Variants in CCDC171 observed in about 807,000 individuals in gnomAD.
CCDC171 encodes the protein coiled-coil domain containing 171.
CCDC171 carries 177 observed loss-of-function variants against 168.2 expected under a neutral mutation model. That is an observed-to-expected ratio of 1.05 (90% confidence interval 0.93 to 1.19). CCDC171 has a LOEUF of 1.19. Ranked by LOEUF, CCDC171 falls within the 50% of genes most tolerant of loss-of-function variation. The pLI is 0.00. For missense variants in CCDC171, 1,991 were observed against 1,539.0 expected (o/e 1.29, Z -4.91); for synonymous variants, 687 against 540.8 (o/e 1.27, Z -3.75).
At chr9:16,027,894 T>C (rs111984063) in intron 6 of CCDC171, among the ~76,000 whole-genome samples, 4 of 152,314 alleles carry the variant, frequency 2.6e-5, no homozygotes, top group African/African-American at 9.6e-5. Context: ...CATGTCTGTA[T>C]GGAAAGCTCC....
intron 16 of CCDC171, among the ~76,000 whole-genome samples, chr9:15,732,757 A>G (rs2054232215): frequency 6.6e-6 from 1 of 152,162 alleles, no homozygotes. Flanking sequence ...ACATCCATGG[A>G]AAGGTTTTTG....
chr9:15,721,413 T>C (rs962287796), intron 11 of CCDC171, among the ~76,000 whole-genome samples: 1 of 151,704 alleles, frequency 6.6e-6, no homozygotes, highest in African/African-American at 2.4e-5. Flanking sequence ...AAAAGGTATG[T>C]ACAAACACTG....
chr9:15,986,343 G>A (rs1831986136), intron 3 of CCDC171, among the ~76,000 whole-genome samples: 1 of 152,202 alleles, frequency 6.6e-6, no homozygotes, highest in Non-Finnish European at 1.5e-5. Flanking sequence ...ATACTTCAAA[G>A]ATGCAGGACC....
At position 15,777,788 on chromosome 9, in the gene CCDC171, G is replaced by A; in HGVS notation, c.2860G>A (p.Ala954Thr). 1 of 1,612,462 alleles carries A rather than the reference G, an allele frequency of 6.2e-7. No homozygotes were observed. The highest frequency in any genetic ancestry group is 8.5e-7 in the Non-Finnish European group (1 of 1,179,636). The change falls in exon 19 of 26, where the codon GCC becomes ACC. Residue 954 changes from alanine to threonine, a missense_variant. Physicochemically the swap from Ala to Thr is moderately conservative, Grantham distance 58 (BLOSUM62 0). Coordinates refer to ENST00000380701, the MANE Select transcript of CCDC171 (RefSeq NM_173550.4). ...AHGLHKVNTL[A>T]LKYGLRGHVP... ...TGGACTTCATAAAGTAAACACACTG[G>A]CCCTGAAATATGGTTTGCGTGGCCA... is the stretch of plus-strand genomic sequence containing the variant.
chr9:15,806,368 G>A (rs1042783368), intron 21 of CCDC171, among the ~76,000 whole-genome samples: 6 of 152,128 alleles, frequency 3.9e-5, no homozygotes, highest in Non-Finnish European at 7.4e-5. Flanking sequence ...GTAGTTGCTG[G>A]TAATGGTTTT....
At chr9:15,770,023 C>A (rs1204086906) in intron 18 of CCDC171, among the ~76,000 whole-genome samples, 1 of 152,132 alleles carries the variant, frequency 6.6e-6, no homozygotes, top group Admixed American at 6.5e-5. Flanking sequence ...GACAAAAAAA[C>A]TTACCACACT....
chr9:15,800,961 A>T (rs2058793739), intron 21 of CCDC171, among the ~76,000 whole-genome samples: 1 of 151,930 alleles, frequency 6.6e-6, no homozygotes, highest in South Asian at 2.1e-4. Context: ...TATTCATTCC[A>T]TTGGTCTGTG....
intron 4 of CCDC171, among the ~76,000 whole-genome samples, chr9:15,589,627 G>C (rs2041839821): frequency 6.6e-6 from 1 of 152,142 alleles, no homozygotes; most frequent in Non-Finnish European, 1.5e-5. Context: ...GTTGTATACT[G>C]TTAATTGAAA....
At chr9:15,979,925 GA>G (rs1239500793) in intron 3 of CCDC171, among the ~76,000 whole-genome samples, 2 of 122,586 alleles carry the variant, frequency 1.6e-5, no homozygotes, top group Non-Finnish European at 3.6e-5. Context: ...TTCTTTGTGG[GA>G]ATTTTTTTTA....
chr9:16,027,124 C>T (rs964091881), intron 6 of CCDC171, among the ~76,000 whole-genome samples: 3 of 152,170 alleles, frequency 2.0e-5, no homozygotes, highest in Admixed American at 6.5e-5. Context: ...AGTTGATTTT[C>T]CCCAGAATAA....
intron 6 of CCDC171, among the ~76,000 whole-genome samples, chr9:15,618,071 T>C (rs568374344): frequency 6.6e-6 from 1 of 152,316 alleles, no homozygotes; most frequent in Admixed American, 6.5e-5. Context: ...TCAGCCGCTG[T>C]CTTCAGAGCT....
intron 7 of CCDC171, among the ~76,000 whole-genome samples, chr9:15,648,620 C>A (rs562046334): frequency 6.6e-6 from 1 of 152,074 alleles, no homozygotes; most frequent in Non-Finnish European, 1.5e-5. Context: ...AAGCAGAGAG[C>A]CAACTCATGA....
the CCDC171 span, among the ~76,000 whole-genome samples, chr9:16,075,803 C>T: frequency 6.6e-6 from 1 of 152,088 alleles, no homozygotes; most frequent in Non-Finnish European, 1.5e-5. Context: ...ATTAATGGGT[C>T]ACACAGTCAA....
intron 21 of CCDC171, among the ~76,000 whole-genome samples, chr9:15,840,627 C>T (rs1256582790): frequency 6.6e-6 from 1 of 152,072 alleles, no homozygotes; most frequent in Non-Finnish European, 1.5e-5. Context: ...CAGCCAAACT[C>T]AGTTTGCTTT....
chr9:15,609,389 G>A (rs988014695), intron 6 of CCDC171, among the ~76,000 whole-genome samples: 4 of 152,086 alleles, frequency 2.6e-5, no homozygotes, highest in Non-Finnish European at 5.9e-5. Flanking sequence ...GATTACAGGC[G>A]TGAACCACCG....
chr9:15,799,464 A>G (rs1207012042), intron 21 of CCDC171, among the ~76,000 whole-genome samples: 1 of 150,826 alleles, frequency 6.6e-6, no homozygotes, highest in Non-Finnish European at 1.5e-5. Context: ...ACAAATTTTA[A>G]TTTTTAATTT....
chr9:15,590,570 T>C (rs1212853880), intron 4 of CCDC171, among the ~76,000 whole-genome samples: 37 of 152,214 alleles, frequency 2.4e-4, no homozygotes, highest in Non-Finnish European at 5.9e-5. Context: ...GAGTTGCACC[T>C]AAATCTGGCA....
At chr9:16,063,149 A>C (rs2133089323), downstream of CCDC171, among the ~76,000 whole-genome samples, 1 of 152,284 alleles carries the variant, frequency 6.6e-6, no homozygotes, top group Non-Finnish European at 1.5e-5. Context: ...CGGAAAGGGG[A>C]CCAGTGATAG....
chr9:15,663,495 A>G (rs758390327), intron 8 of CCDC171, among the ~76,000 whole-genome samples: 1 of 152,024 alleles, frequency 6.6e-6, no homozygotes, highest in African/African-American at 2.4e-5. Flanking sequence ...ATTTACGCCA[A>G]ATGTAGCATA....
Sources: allele counts gnomAD v4.1 joint callset (sites outside exome capture counted in the v4.1 genomes callset), GRCh38; gene constraint gnomAD v4.1.1; transcripts MANE v1.5; gene names NCBI Gene and HGNC (gene_info 2026-07-23, HGNC 2026-07-21).